Variants in NRG3 observed in about 807,000 individuals in gnomAD.
The protein encoded by NRG3 is neuregulin 3.
A neutral mutation model predicts 66.9 loss-of-function variants in NRG3; 31 were observed. The ratio of observed to expected loss-of-function variants is 0.46; its 90% CI spans 0.35 to 0.63. The LOEUF (loss-of-function observed/expected upper bound fraction) is 0.63, where lower values mean the gene tolerates loss of function less well. NRG3 is among the 20% of genes least tolerant of loss of function. The pLI is 0.00. For missense variants in NRG3, 910 were observed against 878.9 expected (o/e 1.04, Z -0.45); for synonymous variants, 393 against 359.4 (o/e 1.09, Z -1.06).
chr10:82,743,500 T>C (rs1591383487), intron 3 of NRG3, among the ~76,000 whole-genome samples: 1 of 151,986 alleles, frequency 6.6e-6, no homozygotes, highest in Non-Finnish European at 1.5e-5. Flanking sequence ...AAAAAAACAA[T>C]CTTCGGTAGA....
chr10:82,254,365 G>T (rs937396946), intron 1 of NRG3, among the ~76,000 whole-genome samples: 2 of 152,146 alleles, frequency 1.3e-5, no homozygotes, highest in Admixed American at 1.3e-4. Context: ...CACAACAGGG[G>T]CACAATACTC....
intron 2 of NRG3, among the ~76,000 whole-genome samples, chr10:82,511,364 T>A (rs1294355834): frequency 6.6e-6 from 1 of 152,186 alleles, no homozygotes; most frequent in East Asian, 1.9e-4. Context: ...GCTTATCACT[T>A]AAAATCAATG....
At chr10:81,880,744 G>A (rs978700391) in intron 1 of NRG3, among the ~76,000 whole-genome samples, 2 of 152,068 alleles carry the variant, frequency 1.3e-5, no homozygotes, top group African/African-American at 2.4e-5. Flanking sequence ...TAAGAGCAAG[G>A]GAATAGTCAT....
chr10:82,351,118 TCTC>T (rs1036927239), intron 1 of NRG3, among the ~76,000 whole-genome samples: 6 of 152,046 alleles, frequency 3.9e-5, no homozygotes, highest in South Asian at 2.1e-4. Flanking sequence ...ATGGTCTTGA[TCTC>T]CTGACCTCGA....
At chr10:82,669,772 C>T (rs138403056) in intron 2 of NRG3, among the ~76,000 whole-genome samples, 1,901 of 151,930 alleles carry the variant, frequency 0.013, 24 homozygotes, top group Non-Finnish European at 0.017. Flanking sequence ...ACTAAAAATA[C>T]AAAAAATAAG....
At chr10:82,430,600 T>C (rs956207883) in intron 2 of NRG3, among the ~76,000 whole-genome samples, 1 of 152,168 alleles carries the variant, frequency 6.6e-6, no homozygotes, top group Admixed American at 6.6e-5. Context: ...TAAAATAATA[T>C]GCCAACATTG....
chr10:82,504,625 A>G (rs1269590018), intron 2 of NRG3, among the ~76,000 whole-genome samples: 1 of 152,216 alleles, frequency 6.6e-6, no homozygotes, highest in African/African-American at 2.4e-5. Context: ...TAGACTAATG[A>G]TGTTAAGCAG....
chr10:81,964,275 T>C (rs1424215860), intron 1 of NRG3, among the ~76,000 whole-genome samples: 1 of 151,852 alleles, frequency 6.6e-6, no homozygotes, highest in Non-Finnish European at 1.5e-5. Context: ...ATAACTTTAT[T>C]CTTTTTTTAA....
chr10:82,373,451 G>A (rs539997002), intron 2 of NRG3, among the ~76,000 whole-genome samples: 4 of 152,200 alleles, frequency 2.6e-5, no homozygotes, highest in Non-Finnish European at 5.9e-5. Flanking sequence ...TGGCCTCCCT[G>A]GAGTCCTCTG....
At chr10:82,202,364 T>TA (rs2074879584) in intron 1 of NRG3, among the ~76,000 whole-genome samples, 2 of 152,050 alleles carry the variant, frequency 1.3e-5, no homozygotes, top group African/African-American at 4.8e-5. Flanking sequence ...ATTGAGGGGG[T>TA]AAATGAAGGA....
chr10:81,947,066 C>T (rs1490351831), intron 1 of NRG3, among the ~76,000 whole-genome samples: 7 of 152,168 alleles, frequency 4.6e-5, no homozygotes, highest in Admixed American at 4.6e-4. Flanking sequence ...CATGCTGTCT[C>T]TGAAACTATA....
chr10:82,469,293 C>T (rs949963137), intron 2 of NRG3, among the ~76,000 whole-genome samples: 3 of 152,034 alleles, frequency 2.0e-5, no homozygotes, highest in Non-Finnish European at 4.4e-5. Flanking sequence ...GTTTACAAAG[C>T]GTTGAGACAA....
chr10:82,020,874 AT>A (rs2132746144), intron 1 of NRG3, among the ~76,000 whole-genome samples: 1 of 152,144 alleles, frequency 6.6e-6, no homozygotes, highest in Admixed American at 6.6e-5. Context: ...ATCGACTTTA[AT>A]TTCTTTTGGC....
intron 1 of NRG3, among the ~76,000 whole-genome samples, chr10:81,948,749 C>A (rs1246008176): frequency 6.6e-6 from 1 of 152,202 alleles, no homozygotes; most frequent in Non-Finnish European, 1.5e-5. Context: ...ATAGGCCCAT[C>A]CTCATTTCCC....
At chr10:82,814,142 A>T (rs961535379) in intron 3 of NRG3, among the ~76,000 whole-genome samples, 25 of 152,222 alleles carry the variant, frequency 1.6e-4, no homozygotes, top group African/African-American at 5.5e-4. Flanking sequence ...AGATGAAAGC[A>T]TTTCCTCCCA....
intron 1 of NRG3, chr10:82,232,933 T>A (rs2076558812): frequency 5.9e-6 from 4 of 677,820 alleles, no homozygotes; most frequent in Non-Finnish European, 5.5e-6. Flanking sequence ...GAAACAGGAG[T>A]GTTCTCTAGT....
chr10:82,772,677 C>T (rs2059758444), intron 3 of NRG3, among the ~76,000 whole-genome samples: 1 of 150,892 alleles, frequency 6.6e-6, no homozygotes, highest in South Asian at 2.1e-4. Flanking sequence ...TAAAGTATTA[C>T]CCATGGTTTC....
At position 82,088,300 on chromosome 10, in the gene NRG3, C is replaced by G. The variant is rs192484464; in HGVS notation, c.823+212137C>G. Among the ~76,000 whole-genome samples, 26 of 152,064 alleles carry G rather than the reference C, an allele frequency of 1.7e-4. 1 individual carries two copies. The highest frequency in any genetic ancestry group is 6.3e-4 in the African/African-American group (26 of 41,440). ...GGACTGTGATTTCTCTCACTTTTCA[C>G]TAAGAGTACTACTCAATACCCAACT... On this transcript the variant is annotated intron_variant, in intron 1 of 8. Transcript: ENST00000372141.
chr10:82,871,788 T>A (rs1219976417), intron 4 of NRG3, among the ~76,000 whole-genome samples: 1 of 152,128 alleles, frequency 6.6e-6, no homozygotes, highest in Non-Finnish European at 1.5e-5. Context: ...ATTGATATAA[T>A]CATTTATTTG....
Sources: gnomAD v4.1 joint callset for allele counts (sites outside exome capture counted in the v4.1 genomes callset) on GRCh38, gnomAD v4.1.1 for gene constraint, MANE v1.5 for transcripts, NCBI Gene and HGNC (gene_info 2026-07-23, HGNC 2026-07-21) for gene names.